NTRK3: variants seen among roughly 807,000 people sequenced by gnomAD.
NTRK3 encodes NT-3 growth factor receptor.
Under a neutral mutation model 91.7 loss-of-function variants are expected in NTRK3, and 24 were observed. The ratio of observed to expected loss-of-function variants is 0.26; its 90% CI spans 0.19 to 0.37. The LOEUF (loss-of-function observed/expected upper bound fraction) is 0.37. Ranked by LOEUF, NTRK3 falls within the 10% of genes least tolerant of loss-of-function variation. The pLI, the probability that NTRK3 is intolerant of heterozygous loss-of-function variation, is 1.00. For synonymous variants in NTRK3, 483 were observed against 404.0 expected, an observed-to-expected ratio of 1.20 and a Z score of -2.34; for missense variants, 880 against 1,068.9, an observed-to-expected ratio of 0.82 and a Z score of 2.46.
intron 14 of NTRK3, chr15:87,981,116 T>G: frequency 6.6e-7 from 1 of 1,518,466 alleles, no homozygotes; most frequent in Non-Finnish European, 8.9e-7. Context: ...TAGTCGTACC[T>G]CAGTCCACGA....
At chr15:87,917,633 G>A (rs961525204) in intron 17 of NTRK3, among the ~76,000 whole-genome samples, 1 of 152,210 alleles carries the variant, frequency 6.6e-6, no homozygotes, top group African/African-American at 2.4e-5. Context: ...CCTGGTGAGA[G>A]GCGTTTGAAT....
At chr15:88,049,068 A>C (rs970121880) in intron 13 of NTRK3, among the ~76,000 whole-genome samples, 1 of 152,238 alleles carries the variant, frequency 6.6e-6, no homozygotes, top group African/African-American at 2.4e-5. Flanking sequence ...AGGTGTGTAG[A>C]AATTGCTTTT....
chr15:88,186,439 G>C (rs150386329), intron 3 of NTRK3, among the ~76,000 whole-genome samples: 43 of 152,226 alleles, frequency 2.8e-4, no homozygotes, highest in African/African-American at 9.9e-4. Flanking sequence ...TTGCTGCAAA[G>C]AGTCCTCCGG....
At chr15:88,012,243 G>T (rs2076931914) in intron 14 of NTRK3, among the ~76,000 whole-genome samples, 2 of 152,212 alleles carry the variant, frequency 1.3e-5, no homozygotes, top group Non-Finnish European at 2.9e-5. Context: ...TTTCAGTGCA[G>T]CCATTTTGAC....
At chr15:87,901,770 G>A (rs1367745687) in intron 17 of NTRK3, among the ~76,000 whole-genome samples, 3 of 150,884 alleles carry the variant, frequency 2.0e-5, no homozygotes, top group South Asian at 4.2e-4. Flanking sequence ...GGGGAGGGGG[G>A]GAGAGGGGGA....
At chr15:88,172,530 G>A (rs577382537) in intron 5 of NTRK3, among the ~76,000 whole-genome samples, 2 of 152,292 alleles carry the variant, frequency 1.3e-5, no homozygotes, top group East Asian at 3.9e-4. Flanking sequence ...CTGAGTTTTT[G>A]AAAGGCAACA....
At chr15:87,959,829 G>C (rs145459243) in intron 14 of NTRK3, among the ~76,000 whole-genome samples, 1 of 152,302 alleles carries the variant, frequency 6.6e-6, no homozygotes, top group East Asian at 1.9e-4. Flanking sequence ...GGCTAAGAGG[G>C]AGCCAAATGT....
intron 13 of NTRK3, among the ~76,000 whole-genome samples, chr15:88,093,496 T>C (rs573280613): frequency 7.9e-5 from 12 of 152,174 alleles, no homozygotes; most frequent in Non-Finnish European, 1.8e-4. Flanking sequence ...GTTTCTCTCC[T>C]TAACAGATGA....
chr15:88,056,154 A>T (rs1266937194), intron 13 of NTRK3, among the ~76,000 whole-genome samples: 6 of 144,972 alleles, frequency 4.1e-5, no homozygotes, highest in Non-Finnish European at 9.0e-5. Context: ...TGGGTGAAGC[A>T]TTACAAGCAC....
At chr15:88,204,049 A>G (rs976401733) in intron 3 of NTRK3, among the ~76,000 whole-genome samples, 3 of 152,142 alleles carry the variant, frequency 2.0e-5, no homozygotes, top group African/African-American at 7.2e-5. Flanking sequence ...ACCTGCCAAC[A>G]GGCCCCAGTG....
At chr15:88,217,029 A>G (rs886426816) in intron 3 of NTRK3, among the ~76,000 whole-genome samples, 2 of 152,252 alleles carry the variant, frequency 1.3e-5, no homozygotes, top group Non-Finnish European at 2.9e-5. Context: ...CATACTTGAC[A>G]TCACTAATCA....
intron 3 of NTRK3, among the ~76,000 whole-genome samples, chr15:88,244,276 T>C (rs1048665757): frequency 2.6e-5 from 4 of 152,254 alleles, no homozygotes; most frequent in Non-Finnish European, 4.4e-5. Context: ...TTCCAGATGC[T>C]GTCCCCACAT....
rs143167870 is a variant in NTRK3, at chr15:88,198,735, G to A, written c.249-14436C>T. On this transcript the variant is annotated intron_variant, in intron 3 of 18. Transcript: ENST00000394480. ...TCAGACCTTGCAGAAATTCCCAGAA[G>A]CTTCTCCTTGAAGCTGGGACCAGGT... 5.9e-5 allele frequency among the ~76,000 whole-genome samples: 9 copies of A among 152,300 alleles called. No homozygotes were observed. In the East Asian group the frequency reaches 1.7e-3, roughly 29 times the overall value.
At chr15:88,244,160 G>A (rs2141929199) in intron 3 of NTRK3, among the ~76,000 whole-genome samples, 1 of 152,268 alleles carries the variant, frequency 6.6e-6, no homozygotes, top group South Asian at 2.1e-4. Context: ...AGGCCAAGGG[G>A]ATCTCATACA....
At chr15:87,973,212 C>T (rs992328455) in intron 14 of NTRK3, among the ~76,000 whole-genome samples, 10 of 152,192 alleles carry the variant, frequency 6.6e-5, no homozygotes, top group African/African-American at 2.4e-4. Context: ...GGCAAAAACA[C>T]AGAGGGGTGT....
chr15:88,037,777 T>A lies in NTRK3; in HGVS notation c.1397-4732A>T, dbSNP rs77193894. The stretch of plus-strand genomic sequence containing the variant: ...GTTGGAGAAATGCTGATGATTGTAA[T>A]AATTTTTATTATTGAATACTTCCTA... On this transcript the variant is annotated intron_variant, in intron 13 of 18. Coordinates refer to ENST00000394480, the Ensembl canonical transcript of NTRK3. Among the ~76,000 whole-genome samples the A allele has an allele frequency of 1.4e-3, 214 of 152,334 alleles. 1 individual carries two copies. Among genetic ancestry groups the A allele is most frequent in the Admixed American group, 6.9e-3 (106 of 15,308 alleles).
exon 19 of NTRK3, chr15:87,865,917 C>G: frequency 4.3e-6 from 1 of 230,550 alleles, no homozygotes. Flanking sequence ...AAACAGACAC[C>G]AGCAAAAATT....
chr15:88,183,419 T>C (rs761441807), exon 5 of NTRK3: 5 of 1,613,786 alleles, frequency 3.1e-6, no homozygotes, highest in Non-Finnish European at 4.2e-6. Context: ...TCTACTCACA[T>C]ATAACGCAAA....
At chr15:88,014,623 G>A (rs2077102250) in intron 14 of NTRK3, among the ~76,000 whole-genome samples, 1 of 152,178 alleles carries the variant, frequency 6.6e-6, no homozygotes, top group South Asian at 2.1e-4. Context: ...GCAACTAACT[G>A]GTGATAAAAC....
Sources: gnomAD v4.1 joint callset for allele counts (sites outside exome capture counted in the v4.1 genomes callset) on GRCh38, gnomAD v4.1.1 for gene constraint, MANE v1.5 for transcripts, NCBI Gene and HGNC (gene_info 2026-07-23, HGNC 2026-07-21) for gene names.